GPR39: variants seen among roughly 807,000 people sequenced by gnomAD.
GPR39 encodes G protein-coupled receptor 39.
A neutral mutation model predicts 18.4 loss-of-function variants in GPR39; 23 were observed. That is an observed-to-expected ratio of 1.25 (90% CI 0.90 to 1.77). The LOEUF is 1.77. GPR39 is among the 40% of genes most tolerant of loss of function. GPR39 has a pLI of 0.00. For synonymous variants in GPR39, 280 were observed against 257.9 expected (o/e 1.09, Z -0.82); for missense variants, 647 against 602.4 (o/e 1.07, Z -0.78).
chr2:132,435,564 T>G (rs12469351), intron 1 of GPR39, among the ~76,000 whole-genome samples: 32,247 of 152,044 alleles, frequency 0.21, 3,554 homozygotes, highest in African/African-American at 0.25. Context: ...ACATACAGAT[T>G]TTTGACTGTG....
In GPR39 at chr2:132,580,049, A is replaced by G. The variant is rs1015850576; in HGVS notation, c.857-65052A>G. Among the ~76,000 whole-genome samples the G allele has an allele frequency of 7.9e-5, 12 of 152,230 alleles. No homozygotes were observed. In the East Asian group the frequency reaches 1.2e-3, roughly 15 times the overall value. ...AGAGCTTTTGAAAATTGTGAGCTCTATGAGAGGTAGTGTTGGCAAAATGAT... is the reference window on the plus strand; with the variant it reads ...AGAGCTTTTGAAAATTGTGAGCTCTGTGAGAGGTAGTGTTGGCAAAATGAT... On this transcript the variant is annotated intron_variant, in intron 1 of 1. Coordinates refer to ENST00000329321, the MANE Select transcript of GPR39 (RefSeq NM_001508.3).
At chr2:132,605,398 G>A (rs16837976) in intron 1 of GPR39, among the ~76,000 whole-genome samples, 6,451 of 152,246 alleles carry the variant, frequency 0.042, 475 homozygotes, top group African/African-American at 0.15. Flanking sequence ...CATTCATGCG[G>A]CCCATTAGTC....
intron 1 of GPR39, among the ~76,000 whole-genome samples, chr2:132,451,492 G>C (rs974701403): frequency 1.3e-5 from 2 of 152,138 alleles, no homozygotes; most frequent in Non-Finnish European, 2.9e-5. Context: ...TGGATGAGTG[G>C]ATAGGTAAAT....
chr2:132,516,010 C>T (rs955026804), intron 1 of GPR39, among the ~76,000 whole-genome samples: 1 of 152,098 alleles, frequency 6.6e-6, no homozygotes, highest in African/African-American at 2.4e-5. Context: ...AATCTGTCTC[C>T]TGTTATCGGA....
intron 1 of GPR39, among the ~76,000 whole-genome samples, chr2:132,420,092 T>C (rs757769305): frequency 9.9e-5 from 15 of 152,232 alleles, no homozygotes; most frequent in Admixed American, 2.6e-4. Context: ...TTGCTGCTGC[T>C]CTCGTTCTTT....
At chr2:132,604,076 C>T (rs546530949) in intron 1 of GPR39, among the ~76,000 whole-genome samples, 4 of 152,214 alleles carry the variant, frequency 2.6e-5, no homozygotes, top group South Asian at 2.1e-4. Context: ...TTTCCTTAAC[C>T]GAGACATGCT....
chr2:132,420,325 G>A (rs4425133), intron 1 of GPR39, among the ~76,000 whole-genome samples: 31,442 of 152,086 alleles, frequency 0.21, 3,355 homozygotes, highest in African/African-American at 0.23. Flanking sequence ...TTAAAAATAG[G>A]AACCTCACTA....
intron 1 of GPR39, chr2:132,604,544 C>G (rs373948743): frequency 6.6e-6 from 1 of 152,284 alleles, no homozygotes; most frequent in African/African-American, 2.4e-5. Context: ...GACAAAAAGA[C>G]GGTTATGACT....
chr2:132,627,719 C>T (rs898949512), intron 1 of GPR39, among the ~76,000 whole-genome samples: 5 of 152,144 alleles, frequency 3.3e-5, no homozygotes, highest in African/African-American at 1.2e-4. Context: ...GTGCCCAGAG[C>T]TGTGTGAGTC....
At chr2:132,510,383 T>C (rs1679217417) in intron 1 of GPR39, among the ~76,000 whole-genome samples, 1 of 152,116 alleles carries the variant, frequency 6.6e-6, no homozygotes, top group Non-Finnish European at 1.5e-5. Context: ...TCTCATCTAC[T>C]CATGCCCCAC....
chr2:132,431,481 T>C (rs1055051602), intron 1 of GPR39, among the ~76,000 whole-genome samples: 1 of 152,264 alleles, frequency 6.6e-6, no homozygotes, highest in Admixed American at 6.5e-5. Flanking sequence ...TAGTTTCACA[T>C]TGGAATGCTG....
At chr2:132,530,939 C>A (rs966492245) in intron 1 of GPR39, among the ~76,000 whole-genome samples, 1 of 152,198 alleles carries the variant, frequency 6.6e-6, no homozygotes, top group Non-Finnish European at 1.5e-5. Context: ...GAAGAAACTG[C>A]ATCAACTAAC....
At chr2:132,497,283 T>C (rs1402178570) in intron 1 of GPR39, among the ~76,000 whole-genome samples, 2 of 152,186 alleles carry the variant, frequency 1.3e-5, no homozygotes, top group Non-Finnish European at 2.9e-5. Flanking sequence ...CTTGATTTTC[T>C]TGAGATTGTT....
chr2:132,572,581 G>A (rs1329440402), intron 1 of GPR39, among the ~76,000 whole-genome samples: 15 of 151,002 alleles, frequency 9.9e-5, no homozygotes, highest in Non-Finnish European at 2.1e-4. Flanking sequence ...TCTTAAAAGA[G>A]AGGAGGCATT....
At chr2:132,537,314 C>T (rs1390613180) in intron 1 of GPR39, among the ~76,000 whole-genome samples, 1 of 152,124 alleles carries the variant, frequency 6.6e-6, no homozygotes, top group East Asian at 1.9e-4. Context: ...TTTTGTTTCT[C>T]CTTCACTTAT....
chr2:132,560,953 C>T (rs1680241565), intron 1 of GPR39, among the ~76,000 whole-genome samples: 1 of 123,944 alleles, frequency 8.1e-6, no homozygotes, highest in Non-Finnish European at 1.6e-5. Context: ...ACTCTGTTGC[C>T]CAGGCTGGAG....
At chr2:132,599,615 T>C (rs768953643) in intron 1 of GPR39, among the ~76,000 whole-genome samples, 6 of 152,296 alleles carry the variant, frequency 3.9e-5, no homozygotes, top group East Asian at 1.9e-4. Context: ...TGATACTTCA[T>C]CACCAAAATA....
intron 1 of GPR39, chr2:132,604,476 A>G (rs1247583730): frequency 6.6e-6 from 1 of 152,146 alleles, no homozygotes; most frequent in Non-Finnish European, 1.5e-5. Flanking sequence ...AGAGAATACA[A>G]CCTCTACACA....
At chr2:132,520,097 A>C (rs907794466) in intron 1 of GPR39, among the ~76,000 whole-genome samples, 1 of 151,930 alleles carries the variant, frequency 6.6e-6, no homozygotes, top group Non-Finnish European at 1.5e-5. Context: ...TATAATTTAT[A>C]TTCTTACAAC....
Sources: gnomAD v4.1 joint callset for allele counts (sites outside exome capture counted in the v4.1 genomes callset) on GRCh38, gnomAD v4.1.1 for gene constraint, MANE v1.5 for transcripts, NCBI Gene and HGNC (gene_info 2026-07-23, HGNC 2026-07-21) for gene names.